The following LDHC variants were observed in gnomAD, a reference collection of about 807,000 sequenced individuals.
LDHC encodes lactate dehydrogenase C.
A neutral mutation model predicts 30.2 loss-of-function variants in LDHC; 20 were observed. The ratio of observed to expected loss-of-function variants is 0.66; its 90% CI spans 0.47 to 0.96. The LOEUF (loss-of-function observed/expected upper bound fraction) is 0.96. Among genes scored for constraint, LDHC ranks in the 40% least tolerant of loss-of-function variants. LDHC has a pLI of 0.00. For missense variants in LDHC, 362 were observed against 394.9 expected, an observed-to-expected ratio of 0.92 and a Z score of 0.71; for synonymous variants, 139 against 132.7, an observed-to-expected ratio of 1.05 and a Z score of -0.32.
intron 3 of LDHC, among the ~76,000 whole-genome samples, chr11:18,416,469 A>G (rs1422031784): frequency 6.6e-6 from 1 of 152,232 alleles, no homozygotes; most frequent in Non-Finnish European, 1.5e-5. Flanking sequence ...ACTTTCTACT[A>G]GAAGCCCTCT....
At chr11:18,444,355 T>C (rs1209669930) in intron 6 of LDHC, among the ~76,000 whole-genome samples, 1 of 152,034 alleles carries the variant, frequency 6.6e-6, no homozygotes, top group African/African-American at 2.4e-5. Context: ...TCCCCAGTAA[T>C]CTACTGTAGA....
At position 18,451,240 on chromosome 11, in the gene LDHC, C is replaced by T. The variant is rs1590239410; in HGVS notation, c.*113C>T. 3.1e-6 allele frequency: 2 copies of T among 643,610 alleles called. No individual in the cohort carries two copies. Among genetic ancestry groups the T allele is most frequent in the South Asian group, 2.7e-5 (1 of 37,516 alleles). 39.9% of individuals were successfully genotyped at this position (643,610 alleles called of 1,614,324 possible). ...TTAAAAAATAAAAACAAATTGGAGA[C>T]CTGTGACATAACTCTAGTCTCTCAA... On this transcript the variant is annotated 3_prime_UTR_variant, in exon 8 of 8. Transcript: ENST00000541669.
At chr11:18,418,159 G>A (rs912362014) in intron 3 of LDHC, among the ~76,000 whole-genome samples, 58 of 151,238 alleles carry the variant, frequency 3.8e-4, no homozygotes, top group African/African-American at 1.4e-3. Flanking sequence ...TGAATGTGGT[G>A]TTTACCTTTA....
At chr11:18,427,628 T>C (rs1159657637) in intron 3 of LDHC, among the ~76,000 whole-genome samples, 2 of 150,186 alleles carry the variant, frequency 1.3e-5, no homozygotes, top group Non-Finnish European at 3.0e-5. Context: ...ACCTGGAAAA[T>C]CTGACATAAA....
rs1421951110 is a variant in LDHC, at chr11:18,412,897, T to G, written c.126+54T>G. 6 of 1,567,918 alleles carry G rather than the reference T, an allele frequency of 3.8e-6. No homozygotes were observed. In the African/African-American group the frequency reaches 8.1e-5, roughly 21 times the overall value. The stretch of plus-strand genomic sequence containing the variant: ...AAATCAAGTGAGCACTTCAGAGTGT[T>G]GTATATGTCGATGTATTCAGGGTTG... On this transcript the variant is annotated intron_variant, in intron 2 of 7. Transcript: ENST00000541669.
chr11:18,436,483 T>TG (rs1329360951), intron 5 of LDHC, among the ~76,000 whole-genome samples: 2 of 111,696 alleles, frequency 1.8e-5, no homozygotes, highest in Non-Finnish European at 3.7e-5. Context: ...AATACAAAGT[T>TG]TTTTTTTTTT....
intron 3 of LDHC, among the ~76,000 whole-genome samples, chr11:18,428,076 T>C (rs1167745138): frequency 6.6e-6 from 1 of 152,146 alleles, no homozygotes; most frequent in Non-Finnish European, 1.5e-5. Context: ...TCTTCTCTTT[T>C]GGATTAGAAA....
chr11:18,429,715 T>C (rs370657331), intron 3 of LDHC, 22 bp from the exon 4 acceptor site: 30 of 1,470,222 alleles, frequency 2.0e-5, no homozygotes, highest in Non-Finnish European at 2.6e-5. Flanking sequence ...GATCCAAATA[T>C]AGTATTTTGT....
intron 6 of LDHC, among the ~76,000 whole-genome samples, chr11:18,443,632 G>A (rs907219565): frequency 1.3e-5 from 2 of 151,774 alleles, no homozygotes; most frequent in Admixed American, 1.3e-4. Context: ...GCCACTTTTT[G>A]TATTTTTGGT....
At chr11:18,417,298 T>C (rs1220647631) in intron 3 of LDHC, among the ~76,000 whole-genome samples, 1 of 152,270 alleles carries the variant, frequency 6.6e-6, no homozygotes, top group African/African-American at 2.4e-5. Flanking sequence ...GGTGTCTTTC[T>C]GAAAGCACAT....
chr11:18,416,217 G>A (rs1867020910), intron 3 of LDHC, among the ~76,000 whole-genome samples: 1 of 152,020 alleles, frequency 6.6e-6, no homozygotes, highest in Non-Finnish European at 1.5e-5. Flanking sequence ...ATCTTGAAGA[G>A]TTTCTGTAAT....
At chr11:18,435,785 C>G (rs1014389586) in intron 5 of LDHC, among the ~76,000 whole-genome samples, 5 of 152,182 alleles carry the variant, frequency 3.3e-5, no homozygotes, top group African/African-American at 1.2e-4. Flanking sequence ...TAGCCCCAGG[C>G]AACCACTAAT....
At chr11:18,424,147 G>C (rs1848116256) in intron 3 of LDHC, among the ~76,000 whole-genome samples, 1 of 152,162 alleles carries the variant, frequency 6.6e-6, no homozygotes, top group Admixed American at 6.6e-5. Flanking sequence ...ACTTTGGGAG[G>C]CTGAGGTGGG....
In LDHC at chr11:18,429,908, C is replaced by T. The variant is rs150157978; in HGVS notation, c.416C>T (p.Pro139Leu). 1.3e-6 allele frequency: 2 copies of T among 1,588,240 alleles called. No individual in the cohort carries two copies. Among genetic ancestry groups the T allele is most frequent in the African/African-American group, 1.3e-5 (1 of 74,432 alleles). ...PDCKILVVSNPVDILTYIVWK... is the reference protein window; with the variant it reads ...PDCKILVVSNLVDILTYIVWK... Reference sequence around the variant, plus strand: ...TGTAAAATTCTTGTTGTTTCAAATCCAGGTGAGTCTTCTCTCTTCCATTCT... The same window carrying T: ...TGTAAAATTCTTGTTGTTTCAAATCTAGGTGAGTCTTCTCTCTTCCATTCT... Residue 139 changes from proline (P) to leucine (L), a missense_variant and splice_region_variant, in exon 4 of 8, where the codon CCA (proline) becomes CTA (leucine). By Grantham distance (98) the Pro-to-Leu change is moderately conservative (BLOSUM62 -3). Transcript: ENST00000541669.
At chr11:18,450,363 G>C (rs541831547) in intron 7 of LDHC, 1 of 152,926 alleles carries the variant, frequency 6.5e-6, no homozygotes, top group African/African-American at 2.4e-5. Context: ...GAACTCAGGC[G>C]GAGGTAGTGG....
intron 6 of LDHC, among the ~76,000 whole-genome samples, chr11:18,444,825 T>G (rs1302922519): frequency 6.6e-6 from 1 of 151,708 alleles, no homozygotes; most frequent in Non-Finnish European, 1.5e-5. Flanking sequence ...TCCAGTGAAG[T>G]TGACTGTCAA....
rs547764282 is a variant in LDHC at position 18,414,721 on chromosome 11, G to A, written c.127-463G>A. On this transcript the variant is annotated intron_variant, in intron 2 of 7. Coordinates refer to ENST00000541669, the MANE Select transcript of LDHC (RefSeq NM_017448.5). ...CGGGCGCCTGTAATCCCAGCTACTC[G>A]GGAGGCTGAAGCACGAAAATTGCTT... 4.6e-5 allele frequency among the ~76,000 whole-genome samples: 7 copies of A among 152,122 alleles called. 1 individual carries two copies. In the South Asian group the frequency reaches 6.2e-4, roughly 14 times the overall value.
chr11:18,447,294 C>A (rs867751622), intron 7 of LDHC, among the ~76,000 whole-genome samples: 1 of 152,040 alleles, frequency 6.6e-6, no homozygotes. Flanking sequence ...CCACCACACC[C>A]GGCTAATTTT....
intron 3 of LDHC, 48 bp from the exon 4 acceptor site, chr11:18,429,689 T>G: frequency 9.0e-7 from 1 of 1,116,526 alleles, no homozygotes; most frequent in Non-Finnish European, 1.3e-6. Context: ...TAAGGCACAG[T>G]GGTTATGGTA....
Sources: allele counts gnomAD v4.1 joint callset (sites outside exome capture counted in the v4.1 genomes callset), GRCh38; gene constraint gnomAD v4.1.1; transcripts MANE v1.5; gene names NCBI Gene and HGNC (gene_info 2026-07-23, HGNC 2026-07-21).